The following RANBP2 variants were observed in gnomAD, a reference collection of about 807,000 sequenced individuals.
RANBP2 encodes RAN binding protein 2.
A neutral mutation model predicts 303.6 loss-of-function variants in RANBP2; 57 were observed. That is an observed-to-expected ratio of 0.19 (90% confidence interval 0.15 to 0.23). The LOEUF (loss-of-function observed/expected upper bound fraction) is 0.23. RANBP2 is among the 10% of genes least tolerant of loss of function. RANBP2 has a pLI of 1.00. For missense variants in RANBP2, 3,138 were observed against 3,780.8 expected, an observed-to-expected ratio of 0.83 and a Z score of 4.46; for synonymous variants, 1,167 against 1,301.5, an observed-to-expected ratio of 0.90 and a Z score of 2.23.
chr2:108,793,582 A>G, the RANBP2 span, among the ~76,000 whole-genome samples: 1 of 151,710 alleles, frequency 6.6e-6, no homozygotes, highest in Admixed American at 6.6e-5. Flanking sequence ...TACCCTCAGG[A>G]AACTTTTTTT....
At chr2:109,440,620 C>T in the RANBP2 span, among the ~76,000 whole-genome samples, 1 of 152,174 alleles carries the variant, frequency 6.6e-6, no homozygotes, top group African/African-American at 2.4e-5. Context: ...GTTTTCAAGA[C>T]ACCAGACAAC....
chr2:109,707,070 T>G, the RANBP2 span, among the ~76,000 whole-genome samples: 1 of 152,248 alleles, frequency 6.6e-6, no homozygotes, highest in African/African-American at 2.4e-5. Context: ...TACTCTATTT[T>G]ATTTTGAATT....
At chr2:109,525,402 G>C in the RANBP2 span, among the ~76,000 whole-genome samples, 1 of 152,144 alleles carries the variant, frequency 6.6e-6, no homozygotes, top group Admixed American at 6.5e-5. Context: ...GACCTCAAAT[G>C]ATCTGCCCAC....
chr2:109,391,866 G>T, the RANBP2 span, among the ~76,000 whole-genome samples: 47,603 of 151,800 alleles, frequency 0.31, 8,739 homozygotes, highest in Non-Finnish European at 0.41. Context: ...TTAAGACAGG[G>T]TCTTACTCTG....
chr2:109,378,534 A>G, the RANBP2 span, among the ~76,000 whole-genome samples: 1 of 152,138 alleles, frequency 6.6e-6, no homozygotes, highest in Admixed American at 6.5e-5. Context: ...GGTAATTTTC[A>G]GCTGGTTACT....
the RANBP2 span, among the ~76,000 whole-genome samples, chr2:109,303,985 C>T: frequency 6.6e-6 from 1 of 152,058 alleles, no homozygotes; most frequent in African/African-American, 2.4e-5. Flanking sequence ...CCTATAATCT[C>T]AGCTACTTCA....
At chr2:108,719,995 C>G in intron 1 of RANBP2, 1 of 985,272 alleles carries the variant, frequency 1.0e-6, no homozygotes, top group Non-Finnish European at 1.2e-6. Context: ...CCCGTAGTAC[C>G]CGCGCGGCCT....
At chr2:109,595,500 C>G in the RANBP2 span, among the ~76,000 whole-genome samples, 1 of 151,964 alleles carries the variant, frequency 6.6e-6, no homozygotes, top group Admixed American at 6.6e-5. Flanking sequence ...GTCTGTAGGA[C>G]AGAAACAAAG....
At chr2:108,859,452 G>C in the RANBP2 span, among the ~76,000 whole-genome samples, 1 of 151,994 alleles carries the variant, frequency 6.6e-6, no homozygotes, top group African/African-American at 2.4e-5. Flanking sequence ...CTTTTGATGA[G>C]TTTGTCATAA....
the RANBP2 span, among the ~76,000 whole-genome samples, chr2:109,644,664 A>G: frequency 1.3e-5 from 2 of 152,176 alleles, no homozygotes; most frequent in Non-Finnish European, 2.9e-5. Context: ...CTTTATCCCC[A>G]AGGGCATGTG....
chr2:109,121,931 C>CT, the RANBP2 span, among the ~76,000 whole-genome samples: 2 of 152,170 alleles, frequency 1.3e-5, no homozygotes, highest in East Asian at 1.9e-4. Flanking sequence ...AGGAGGCTAT[C>CT]TTTTTTCATA....
chr2:109,035,542 A>G, the RANBP2 span, among the ~76,000 whole-genome samples: 1 of 138,318 alleles, frequency 7.2e-6, no homozygotes, highest in African/African-American at 2.7e-5. Context: ...ACCAGAAACC[A>G]CCAGCAGGCA....
At chr2:109,343,682 A>G in the RANBP2 span, among the ~76,000 whole-genome samples, 2 of 150,970 alleles carry the variant, frequency 1.3e-5, no homozygotes, top group Non-Finnish European at 2.9e-5. Context: ...ACCTGTGGAG[A>G]GGTGGCCAGG....
the RANBP2 span, among the ~76,000 whole-genome samples, chr2:109,642,487 C>T: frequency 3.3e-5 from 5 of 152,112 alleles, no homozygotes; most frequent in African/African-American, 4.8e-5. Flanking sequence ...CGGTGGCTCA[C>T]GCCTGTAATC....
the RANBP2 span, among the ~76,000 whole-genome samples, chr2:109,249,070 C>T: frequency 2.0e-5 from 3 of 151,942 alleles, no homozygotes; most frequent in Non-Finnish European, 2.9e-5. Flanking sequence ...GTGTAGAGAC[C>T]ACAGCTCACT....
the RANBP2 span, among the ~76,000 whole-genome samples, chr2:109,039,389 C>T: frequency 4.6e-5 from 7 of 152,016 alleles, no homozygotes; most frequent in East Asian, 1.9e-4. Context: ...CTTGCTCTGT[C>T]GCCCAGGCTG....
chr2:109,025,168 G>T, the RANBP2 span, among the ~76,000 whole-genome samples: 1 of 152,186 alleles, frequency 6.6e-6, no homozygotes, highest in Admixed American at 6.5e-5. Flanking sequence ...TGCACATGTT[G>T]TATGTAGTGT....
At chr2:108,911,197 T>C in the RANBP2 span, 7 of 1,206,024 alleles carry the variant, frequency 5.8e-6, no homozygotes, top group Non-Finnish European at 7.3e-6. Flanking sequence ...CCCTGAAATC[T>C]GAGGTGCTTG....
At chr2:108,894,457 C>T in the RANBP2 span, 6,222 of 152,170 alleles carry the variant, frequency 0.041, 426 homozygotes, top group African/African-American at 0.14. Context: ...GCTCACATTA[C>T]GGTAGTCTAT....
Sources: gnomAD v4.1 joint callset for allele counts (sites outside exome capture counted in the v4.1 genomes callset) on GRCh38, gnomAD v4.1.1 for gene constraint, MANE v1.5 for transcripts, NCBI Gene and HGNC (gene_info 2026-07-23, HGNC 2026-07-21) for gene names.